ATP2B2: variants seen among roughly 807,000 people sequenced by gnomAD.
ATP2B2 encodes plasma membrane calcium-transporting ATPase 2.
Under a neutral mutation model 120.0 loss-of-function variants are expected in ATP2B2, and 15 were observed. The observed-to-expected ratio is 0.12, with a 90% CI of 0.08 to 0.19. The LOEUF is 0.19. Ranked by LOEUF, ATP2B2 falls within the 10% of genes least tolerant of loss-of-function variation. The pLI is 1.00. For synonymous variants in ATP2B2, 694 were observed against 700.3 expected (o/e 0.99, Z 0.14); for missense variants, 1,045 against 1,719.8 (o/e 0.61, Z 6.94).
Position 10,329,265 on chromosome 3 carries a change from T to C in ATP2B2, c.3421-140A>G. 1 of 841,630 alleles carries C rather than the reference T, an allele frequency of 1.2e-6. No homozygotes were observed. The highest frequency in any genetic ancestry group is 2.0e-6 in the Non-Finnish European group (1 of 504,704). The allele number at this position is 841,630 out of a possible 1,614,324, so 52.1% of individuals were successfully genotyped here. On this transcript the variant is annotated intron_variant, in intron 22 of 22. Transcript: ENST00000360273. The surrounding 1 kb of genome is among the most constrained non-coding windows in gnomAD (Gnocchi z 5.9). ...CATAGTCGCTGGGTGTTATTAGCAT[T>C]GACAGGATGGGGGAGAGTGAAAAAG...
At chr3:10,600,746 G>C (rs1163704204) in intron 2 of ATP2B2, among the ~76,000 whole-genome samples, 1 of 152,176 alleles carries the variant, frequency 6.6e-6, no homozygotes, top group Non-Finnish European at 1.5e-5. Flanking sequence ...GCCTGCAACT[G>C]TCCTGAGGGC....
intron 2 of ATP2B2, among the ~76,000 whole-genome samples, chr3:10,609,204 G>T (rs74995506): frequency 0.022 from 3,269 of 151,956 alleles, 79 homozygotes; most frequent in African/African-American, 0.062. Context: ...TCCTGGGTGT[G>T]TACCAGGCAA....
intron 1 of ATP2B2, among the ~76,000 whole-genome samples, chr3:10,646,901 C>G (rs542817880): frequency 1.3e-5 from 2 of 152,196 alleles, no homozygotes; most frequent in African/African-American, 2.4e-5. Context: ...GTTGAGGAGA[C>G]AACATGTGGG....
At chr3:10,502,549 G>C (rs182416543) in intron 1 of ATP2B2, among the ~76,000 whole-genome samples, 1 of 152,354 alleles carries the variant, frequency 6.6e-6, no homozygotes, top group African/African-American at 2.4e-5. Flanking sequence ...TGTGACCTTG[G>C]ACAAGTCCCT....
intron 22 of ATP2B2, chr3:10,336,158 G>C: frequency 6.4e-7 from 1 of 1,550,646 alleles, no homozygotes; most frequent in Non-Finnish European, 8.7e-7. Context: ...AAGGCTGGTC[G>C]GAGAGGAAAG....
chr3:10,437,238 T>C (rs1323022099), intron 2 of ATP2B2, among the ~76,000 whole-genome samples: 1 of 2,536 alleles, frequency 3.9e-4, no homozygotes, highest in African/African-American at 2.1e-3. Flanking sequence ...TCTTAACCTA[T>C]ATAATGATGA....
intron 1 of ATP2B2, among the ~76,000 whole-genome samples, chr3:10,640,964 C>T (rs2070155090): frequency 6.6e-6 from 1 of 152,184 alleles, no homozygotes; most frequent in Admixed American, 6.5e-5. Context: ...TCAACATGGC[C>T]ATCAGTGATG....
intron 1 of ATP2B2, among the ~76,000 whole-genome samples, chr3:10,492,475 T>C (rs369578612): frequency 3.9e-5 from 6 of 152,156 alleles, no homozygotes; most frequent in African/African-American, 1.4e-4. Context: ...GGAGACTCTT[T>C]CTCTGAGCCC....
chr3:10,555,911 A>G (rs1340472149), intron 2 of ATP2B2, among the ~76,000 whole-genome samples: 2 of 151,964 alleles, frequency 1.3e-5, no homozygotes, highest in Admixed American at 6.5e-5. Flanking sequence ...CTCTTATTTT[A>G]TTTTGGAGAT....
chr3:10,418,505 C>G (rs1013349942), intron 2 of ATP2B2, among the ~76,000 whole-genome samples: 1 of 152,158 alleles, frequency 6.6e-6, no homozygotes, highest in Non-Finnish European at 1.5e-5. Context: ...TGGGCTGTAT[C>G]AAAAGTAGAG....
At chr3:10,396,657 C>T (rs2062046678) in intron 5 of ATP2B2, among the ~76,000 whole-genome samples, 1 of 152,200 alleles carries the variant, frequency 6.6e-6, no homozygotes, top group Admixed American at 6.5e-5. Flanking sequence ...AGAAACTAAT[C>T]AAGGAACACC....
chr3:10,696,433 G>C (rs2071742581), intron 1 of ATP2B2, among the ~76,000 whole-genome samples: 1 of 152,182 alleles, frequency 6.6e-6, no homozygotes. Context: ...CACAGCGAGG[G>C]CAGGTGTCAG....
intron 2 of ATP2B2, among the ~76,000 whole-genome samples, chr3:10,422,012 C>T (rs1447196207): frequency 6.6e-6 from 1 of 152,228 alleles, no homozygotes; most frequent in Non-Finnish European, 1.5e-5. Flanking sequence ...TGCATCTCTC[C>T]TGTGCTGGGT....
intron 2 of ATP2B2, among the ~76,000 whole-genome samples, chr3:10,602,290 G>A (rs188382844): frequency 6.6e-6 from 1 of 152,144 alleles, no homozygotes; most frequent in Admixed American, 6.5e-5. Context: ...CTCACATCCC[G>A]GGACTTTCCC....
chr3:10,332,087 T>C lies in ATP2B2; in HGVS notation c.3421-2962A>G, dbSNP rs1000135804. On this transcript the variant is annotated intron_variant, in intron 22 of 22. Transcript: ENST00000360273. ...TTCAGACAGTGGAGAGGTCTAGGGT[T>C]CCCCCCACAAAGCAAGCCATTTTCT... 23 of 1,508,604 alleles carry C rather than the reference T, an allele frequency of 1.5e-5. No individual in the cohort carries two copies. In the East Asian group the frequency reaches 5.7e-4, roughly 37 times the overall value. The allele number at this position is 1,508,604 out of a possible 1,614,324, so 93.5% of individuals were successfully genotyped here.
chr3:10,384,496 T>C (rs2061616947), intron 8 of ATP2B2, among the ~76,000 whole-genome samples: 1 of 152,150 alleles, frequency 6.6e-6, no homozygotes, highest in Admixed American at 6.5e-5. Flanking sequence ...CAGAAGGGGA[T>C]AGAAATCCGA....
At chr3:10,540,293 T>C (rs952422041) in intron 2 of ATP2B2, among the ~76,000 whole-genome samples, 6 of 152,172 alleles carry the variant, frequency 3.9e-5, no homozygotes, top group Non-Finnish European at 7.3e-5. Context: ...AGTTCAACCA[T>C]TGTGGAAGAC....
chr3:10,454,470 A>G (rs1034606820), intron 1 of ATP2B2, among the ~76,000 whole-genome samples: 1 of 152,246 alleles, frequency 6.6e-6, no homozygotes, highest in African/African-American at 2.4e-5. Flanking sequence ...ATTAAAAATC[A>G]GAACTCCACC....
chr3:10,633,447 A>T (rs1022654233), intron 1 of ATP2B2, among the ~76,000 whole-genome samples: 1 of 151,942 alleles, frequency 6.6e-6, no homozygotes, highest in Non-Finnish European at 1.5e-5. Context: ...ATAATGTTTC[A>T]TTTTTTTTAA....
Sources: gnomAD v4.1 joint callset for allele counts (sites outside exome capture counted in the v4.1 genomes callset) on GRCh38, gnomAD v4.1.1 for gene constraint, Gnocchi (gnomAD v3.1) non-coding constraint, MANE v1.5 for transcripts, NCBI Gene and HGNC (gene_info 2026-07-23, HGNC 2026-07-21) for gene names.